KCND2: variants seen among roughly 807,000 people sequenced by gnomAD.
The protein encoded by KCND2 is A-type voltage-gated potassium channel KCND2.
A neutral mutation model predicts 54.4 loss-of-function variants in KCND2; 16 were observed. That is an observed-to-expected ratio of 0.29 (90% confidence interval 0.20 to 0.45). The LOEUF (loss-of-function observed/expected upper bound fraction) is 0.45, where lower values mean the gene tolerates loss of function less well. KCND2 is among the 20% of genes least tolerant of loss of function. KCND2 has a pLI of 1.00. For synonymous variants in KCND2, 317 were observed against 310.7 expected (o/e 1.02, Z -0.21); for missense variants, 486 against 824.2 (o/e 0.59, Z 5.02).
chr7:120,363,301 C>CTA lies in KCND2; in HGVS notation c.1115+87566_1115+87567dup, dbSNP rs146304046. On this transcript the variant is annotated intron_variant, in intron 1 of 5. Coordinates refer to ENST00000331113, the MANE Select transcript of KCND2 (RefSeq NM_012281.3). ...CCTGGATGACAGAGCAAGATCCCAT[C>CTA]TATATATATATATCTCCTTGGATGT... Among the ~76,000 whole-genome samples, 33 of 151,286 alleles carry CTA rather than the reference C, an allele frequency of 2.2e-4. No homozygotes were observed. The East Asian group carries it at 3.1e-3, about 14-fold the overall frequency.
chr7:120,560,970 C>T (rs1792225450), intron 1 of KCND2, among the ~76,000 whole-genome samples: 1 of 152,208 alleles, frequency 6.6e-6, no homozygotes. Flanking sequence ...GTTGATTAGT[C>T]TGTAAGTTAG....
At chr7:120,317,983 A>G (rs749505559) in intron 1 of KCND2, among the ~76,000 whole-genome samples, 1 of 152,190 alleles carries the variant, frequency 6.6e-6, no homozygotes, top group Non-Finnish European at 1.5e-5. Flanking sequence ...ACAAGCATTC[A>G]TTAAGCACCT....
intron 1 of KCND2, among the ~76,000 whole-genome samples, chr7:120,433,606 C>A (rs764972891): frequency 2.6e-5 from 4 of 152,180 alleles, no homozygotes; most frequent in Non-Finnish European, 5.9e-5. Flanking sequence ...CCCTGACAAC[C>A]AGCACTATTG....
intron 1 of KCND2, among the ~76,000 whole-genome samples, chr7:120,304,288 C>T (rs969415349): frequency 1.3e-5 from 2 of 152,004 alleles, no homozygotes; most frequent in Non-Finnish European, 2.9e-5. Flanking sequence ...AGGGGAAGTT[C>T]GGTATTTTGA....
chr7:120,452,956 A>G (rs1433005864), intron 1 of KCND2, among the ~76,000 whole-genome samples: 1 of 152,108 alleles, frequency 6.6e-6, no homozygotes, highest in African/African-American at 2.4e-5. Flanking sequence ...CATTCCTGCT[A>G]GGCAGCATGG....
intron 1 of KCND2, among the ~76,000 whole-genome samples, chr7:120,636,126 CTTAT>C (rs965362728): frequency 8.6e-5 from 13 of 151,928 alleles, no homozygotes; most frequent in African/African-American, 2.4e-4. Context: ...TATTTATTTG[CTTAT>C]TTATTTATTT....
At chr7:120,498,474 A>G (rs1405574448) in intron 1 of KCND2, among the ~76,000 whole-genome samples, 1 of 151,188 alleles carries the variant, frequency 6.6e-6, no homozygotes, top group Non-Finnish European at 1.5e-5. Context: ...GCAAGACTCC[A>G]TCTGAAAAAA....
intron 1 of KCND2, among the ~76,000 whole-genome samples, chr7:120,510,700 G>C (rs1280599324): frequency 6.6e-6 from 1 of 151,970 alleles, no homozygotes. Context: ...TTTGACTACT[G>C]TAGCTGTGGG....
intron 1 of KCND2, among the ~76,000 whole-genome samples, chr7:120,579,252 G>T (rs1188031282): frequency 6.6e-6 from 1 of 150,958 alleles, no homozygotes; most frequent in African/African-American, 2.4e-5. Flanking sequence ...GTGACTTTTT[G>T]ACTATACTAT....
At chr7:120,481,247 C>T (rs1030595393) in intron 1 of KCND2, among the ~76,000 whole-genome samples, 2 of 152,086 alleles carry the variant, frequency 1.3e-5, no homozygotes, top group Non-Finnish European at 2.9e-5. Context: ...AATGATGAAC[C>T]GGGATACCTG....
intron 1 of KCND2, among the ~76,000 whole-genome samples, chr7:120,689,183 T>A (rs1402110170): frequency 6.6e-6 from 1 of 152,138 alleles, no homozygotes; most frequent in East Asian, 1.9e-4. Flanking sequence ...TCACTTCCAA[T>A]ATCACATTGC....
chr7:120,542,254 G>C (rs1791988103), intron 1 of KCND2, among the ~76,000 whole-genome samples: 1 of 152,086 alleles, frequency 6.6e-6, no homozygotes, highest in Admixed American at 6.6e-5. Context: ...CAAACATTGA[G>C]TAATTTGATT....
chr7:120,447,078 G>A (rs935248484), intron 1 of KCND2, among the ~76,000 whole-genome samples: 2 of 152,072 alleles, frequency 1.3e-5, no homozygotes, highest in Non-Finnish European at 2.9e-5. Context: ...GAAAGTAAAA[G>A]CCCAATAAGT....
At chr7:120,568,426 T>C (rs1245066236) in intron 1 of KCND2, among the ~76,000 whole-genome samples, 1 of 152,126 alleles carries the variant, frequency 6.6e-6, no homozygotes, top group Non-Finnish European at 1.5e-5. Flanking sequence ...AATAATTTAA[T>C]TGATATATAG....
chr7:120,350,640 A>C (rs555688126), intron 1 of KCND2, among the ~76,000 whole-genome samples: 22 of 152,284 alleles, frequency 1.4e-4, no homozygotes, highest in African/African-American at 5.1e-4. Context: ...TTTAAAGATA[A>C]CCCTGTGAAT....
At chr7:120,568,312 A>G (rs1792323559) in intron 1 of KCND2, among the ~76,000 whole-genome samples, 1 of 152,148 alleles carries the variant, frequency 6.6e-6, no homozygotes, top group Non-Finnish European at 1.5e-5. Flanking sequence ...GGAACTGCTG[A>G]TACTAATGAA....
At chr7:120,577,666 A>G (rs1182237770) in intron 1 of KCND2, among the ~76,000 whole-genome samples, 2 of 152,062 alleles carry the variant, frequency 1.3e-5, no homozygotes, top group Non-Finnish European at 2.9e-5. Context: ...GCTCACTGCA[A>G]CCTCCGCCTC....
chr7:120,681,106 C>T (rs1261336272), intron 1 of KCND2, among the ~76,000 whole-genome samples: 1 of 152,040 alleles, frequency 6.6e-6, no homozygotes, highest in African/African-American at 2.4e-5. Flanking sequence ...AAACAAGCAA[C>T]TCCCCAAAGG....
intron 1 of KCND2, among the ~76,000 whole-genome samples, chr7:120,403,119 T>C (rs1296415813): frequency 6.6e-6 from 1 of 152,148 alleles, no homozygotes; most frequent in Non-Finnish European, 1.5e-5. Context: ...CTCCCAAGAG[T>C]TGACAAATTC....
Sources: allele counts gnomAD v4.1 joint callset (sites outside exome capture counted in the v4.1 genomes callset), GRCh38; gene constraint gnomAD v4.1.1; transcripts MANE v1.5; gene names NCBI Gene and HGNC (gene_info 2026-07-23, HGNC 2026-07-21).